Variants in CPE observed in about 807,000 individuals in gnomAD.
CPE encodes carbocypeptidase E.
In CPE, 17 loss-of-function variants were observed where a neutral mutation model predicts 53.5. The ratio of observed to expected loss-of-function variants is 0.32; its 90% CI spans 0.22 to 0.48. The LOEUF (loss-of-function observed/expected upper bound fraction) is 0.48, where lower values mean the gene tolerates loss of function less well. Among genes scored for constraint, CPE ranks in the 20% least tolerant of loss-of-function variants. The pLI, the probability that CPE is intolerant of heterozygous loss-of-function variation, is 0.99. For synonymous variants in CPE, 226 were observed against 228.8 expected (o/e 0.99, Z 0.11); for missense variants, 524 against 614.7 (o/e 0.85, Z 1.56).
intron 1 of CPE, among the ~76,000 whole-genome samples, chr4:165,440,081 T>C (rs1731581393): frequency 6.6e-6 from 1 of 152,200 alleles, no homozygotes; most frequent in Non-Finnish European, 1.5e-5. Context: ...TTTCTTGCCT[T>C]CTTCAGTTTT....
At chr4:165,440,793 A>G (rs1731595725) in intron 1 of CPE, among the ~76,000 whole-genome samples, 1 of 152,064 alleles carries the variant, frequency 6.6e-6, no homozygotes, top group African/African-American at 2.4e-5. Flanking sequence ...CTTGATAGAC[A>G]CTAACTAATT....
At chr4:165,467,644 A>T (rs1434596818) in intron 2 of CPE, 44 bp from the exon 3 acceptor site, 5 of 1,546,268 alleles carry the variant, frequency 3.2e-6, no homozygotes. Flanking sequence ...GTGACATAAT[A>T]ATAAGCAACT....
At chr4:165,395,964 T>TTATTCTA (rs1356664432) in intron 1 of CPE, among the ~76,000 whole-genome samples, 3 of 152,192 alleles carry the variant, frequency 2.0e-5, no homozygotes, top group African/African-American at 7.2e-5. Flanking sequence ...ATCCAATCGG[T>TTATTCTA]TATTCTAAGA....
intron 1 of CPE, among the ~76,000 whole-genome samples, chr4:165,432,164 C>T (rs528963746): frequency 6.2e-4 from 94 of 152,292 alleles, no homozygotes; most frequent in African/African-American, 2.2e-3. Flanking sequence ...ACCTATTTGC[C>T]CTTGTCTCTC....
intron 7 of CPE, 50 bp from the exon 8 acceptor site, chr4:165,495,509 A>G: frequency 8.0e-7 from 1 of 1,256,082 alleles, no homozygotes; most frequent in Non-Finnish European, 1.2e-6. Context: ...GCATTGTGTA[A>G]TTCTGCATAT....
intron 1 of CPE, among the ~76,000 whole-genome samples, chr4:165,423,940 A>G (rs1731272816): frequency 6.6e-6 from 1 of 151,736 alleles, no homozygotes; most frequent in South Asian, 2.1e-4. Context: ...GATGATTTCC[A>G]ATTTCATCCA....
chr4:165,471,679 T>G (rs891302182), intron 3 of CPE, among the ~76,000 whole-genome samples: 7 of 152,188 alleles, frequency 4.6e-5, no homozygotes, highest in Non-Finnish European at 1.0e-4. Flanking sequence ...ATTGGGTAAA[T>G]TCCTCTCCTC....
chr4:165,473,997 G>A (rs1376480197), intron 3 of CPE, among the ~76,000 whole-genome samples: 18 of 152,222 alleles, frequency 1.2e-4, no homozygotes, highest in Admixed American at 1.2e-3. Flanking sequence ...TTGTGGCAGA[G>A]GGGGCAAGCT....
intron 3 of CPE, among the ~76,000 whole-genome samples, chr4:165,475,030 G>A (rs1732270308): frequency 1.3e-5 from 2 of 152,220 alleles, no homozygotes; most frequent in African/African-American, 4.8e-5. Flanking sequence ...GGGAGGAAGT[G>A]AGATAAATAC....
chr4:165,471,732 G>T (rs1047739143), intron 3 of CPE, among the ~76,000 whole-genome samples: 2 of 152,206 alleles, frequency 1.3e-5, no homozygotes, highest in Non-Finnish European at 2.9e-5. Context: ...CTGTCAGAAA[G>T]TGACATTCTT....
intron 2 of CPE, among the ~76,000 whole-genome samples, chr4:165,465,922 A>G (rs1428674683): frequency 6.6e-6 from 1 of 152,226 alleles, no homozygotes; most frequent in African/African-American, 2.4e-5. Context: ...ATGCTTTGAA[A>G]TAGGTCATTT....
chr4:165,433,932 C>T (rs768516165), intron 1 of CPE, among the ~76,000 whole-genome samples: 7 of 152,300 alleles, frequency 4.6e-5, no homozygotes, highest in South Asian at 2.1e-4. Flanking sequence ...GGCTTTCTTT[C>T]GTTCAGATCC....
chr4:165,473,442 A>G (rs917544055), intron 3 of CPE, among the ~76,000 whole-genome samples: 1 of 152,242 alleles, frequency 6.6e-6, no homozygotes, highest in Non-Finnish European at 1.5e-5. Flanking sequence ...AAGGGGGAGC[A>G]GAGAAGAATG....
At chr4:165,451,619 G>A (rs1305106350) in intron 1 of CPE, among the ~76,000 whole-genome samples, 1 of 152,110 alleles carries the variant, frequency 6.6e-6, no homozygotes, top group Admixed American at 6.5e-5. Context: ...AGCCTCCTGA[G>A]TAGCTGGGAT....
intron 1 of CPE, among the ~76,000 whole-genome samples, chr4:165,449,520 G>A (rs1294048943): frequency 1.3e-5 from 2 of 152,174 alleles, no homozygotes; most frequent in Non-Finnish European, 2.9e-5. Context: ...GGAGAGGTGA[G>A]TGTGAGGGCA....
At chr4:165,452,587 G>T (rs1731831371) in intron 1 of CPE, among the ~76,000 whole-genome samples, 1 of 151,224 alleles carries the variant, frequency 6.6e-6, no homozygotes, top group South Asian at 2.1e-4. Context: ...TGTTTTTTGG[G>T]TTTTTTTTGC....
chr4:165,453,997 C>A (rs1254495765), intron 1 of CPE, among the ~76,000 whole-genome samples: 2 of 151,966 alleles, frequency 1.3e-5, no homozygotes, highest in African/African-American at 4.8e-5. Flanking sequence ...TACAAATACC[C>A]CATACACAGT....
intron 1 of CPE, chr4:165,406,217 T>C: frequency 3.0e-6 from 2 of 665,754 alleles, no homozygotes; most frequent in Non-Finnish European, 5.7e-6. Flanking sequence ...CCCCTTTGAC[T>C]CCATAGTTAA....
intron 3 of CPE, among the ~76,000 whole-genome samples, chr4:165,480,387 G>A (rs1732384402): frequency 6.6e-6 from 1 of 152,216 alleles, no homozygotes; most frequent in South Asian, 2.1e-4. Context: ...ATTTCTCTAA[G>A]GAAAGTACAG....
Sources: gnomAD v4.1 joint callset for allele counts (sites outside exome capture counted in the v4.1 genomes callset) on GRCh38, gnomAD v4.1.1 for gene constraint, MANE v1.5 for transcripts, NCBI Gene and HGNC (gene_info 2026-07-23, HGNC 2026-07-21) for gene names.